TENM2: variants seen among roughly 807,000 people sequenced by gnomAD.
TENM2 encodes the protein teneurin transmembrane protein 2.
In TENM2, 52 loss-of-function variants were observed where a neutral mutation model predicts 245.2. The observed-to-expected ratio is 0.21, with a 90% CI of 0.17 to 0.27. The LOEUF is 0.27. Among genes scored for constraint, TENM2 ranks in the 10% least tolerant of loss-of-function variants. The pLI is 1.00. For missense variants in TENM2, 3,046 were observed against 3,666.8 expected, an observed-to-expected ratio of 0.83 and a Z score of 4.37; for synonymous variants, 1,363 against 1,438.9, an observed-to-expected ratio of 0.95 and a Z score of 1.19.
intron 2 of TENM2, among the ~76,000 whole-genome samples, chr5:167,577,732 T>C (rs1344337534): frequency 6.6e-6 from 1 of 152,140 alleles, no homozygotes; most frequent in Non-Finnish European, 1.5e-5. Flanking sequence ...ATAGTAGCTA[T>C]CGAGCGCTGA....
chr5:167,384,966 C>A (rs1192682903), intron 2 of TENM2, among the ~76,000 whole-genome samples: 1 of 152,152 alleles, frequency 6.6e-6, no homozygotes, highest in Non-Finnish European at 1.5e-5. Context: ...AGGTACATAA[C>A]CCCACACTCC....
chr5:167,445,371 T>TGAGAGAGAGTGAGA (rs370726285), intron 2 of TENM2, among the ~76,000 whole-genome samples: 1 of 81,636 alleles, frequency 1.2e-5, no homozygotes, highest in Non-Finnish European at 2.2e-5. Flanking sequence ...AGAGAGAGAG[T>TGAGAGAGAGTGAGA]GTCAGGTGTT....
At chr5:167,904,279 C>A (rs895969049) in intron 3 of TENM2, among the ~76,000 whole-genome samples, 1 of 152,132 alleles carries the variant, frequency 6.6e-6, no homozygotes, top group Non-Finnish European at 1.5e-5. Flanking sequence ...ATCATCAGAG[C>A]TGCATCCCCA....
the TENM2 span, among the ~76,000 whole-genome samples, chr5:167,065,481 T>A: frequency 6.6e-6 from 1 of 152,142 alleles, no homozygotes; most frequent in Non-Finnish European, 1.5e-5. Flanking sequence ...AGTCACTGTG[T>A]GTATGTATGT....
Position 168,117,232 on chromosome 5 carries a change from G to A in TENM2, c.1814-1060G>A, listed in dbSNP as rs372610505. Reference sequence around the variant, plus strand: ...ATGGAAGAGGGTACAGCTGATGGGCGAACTACTAGAAATTTCATGCCTTCA... The same window carrying A: ...ATGGAAGAGGGTACAGCTGATGGGCAAACTACTAGAAATTTCATGCCTTCA... On this transcript the variant is annotated intron_variant, in intron 9 of 28. Coordinates refer to ENST00000518659, the Ensembl canonical transcript of TENM2. Among the ~76,000 whole-genome samples the A allele has an allele frequency of 1.8e-4, 27 of 152,282 alleles. No homozygotes were observed. In the South Asian group the frequency reaches 4.6e-3, roughly 26 times the overall value.
chr5:167,477,757 C>T (rs1034675106), intron 2 of TENM2, among the ~76,000 whole-genome samples: 1 of 150,406 alleles, frequency 6.6e-6, no homozygotes, highest in Non-Finnish European at 1.5e-5. Context: ...CTTTGCCCAC[C>T]AAAAAAATAG....
At chr5:167,490,529 C>A (rs1365207396) in intron 2 of TENM2, among the ~76,000 whole-genome samples, 2 of 151,932 alleles carry the variant, frequency 1.3e-5, no homozygotes, top group African/African-American at 4.8e-5. Flanking sequence ...TTGTATAATG[C>A]ATTTTTGATG....
At chr5:168,097,411 A>C (rs1246999837) in intron 8 of TENM2, among the ~76,000 whole-genome samples, 1 of 151,818 alleles carries the variant, frequency 6.6e-6, no homozygotes, top group Non-Finnish European at 1.5e-5. Context: ...TATTTTTTCT[A>C]TTGTTTTGTT....
intron 2 of TENM2, among the ~76,000 whole-genome samples, chr5:167,799,906 A>G (rs1189244863): frequency 6.6e-6 from 1 of 152,220 alleles, no homozygotes; most frequent in Non-Finnish European, 1.5e-5. Flanking sequence ...CCTGGGGCCC[A>G]TCCCCAGAAG....
rs369134979 is a variant in TENM2 at position 168,072,914 on chromosome 5, G to A, written c.1515+10649G>A. 1.2e-4 allele frequency among the ~76,000 whole-genome samples: 18 copies of A among 152,252 alleles called. No homozygotes were observed. In the East Asian group the frequency reaches 2.7e-3, roughly 23 times the overall value. ...ACACCAATACTGATATGCAAACTGC[G>A]CTTCAGCTGGTTGTCGAGACTCTAG... On this transcript the variant is annotated intron_variant, in intron 7 of 28. Coordinates refer to ENST00000518659, the Ensembl canonical transcript of TENM2.
chr5:167,379,931 C>A (rs373709065), intron 2 of TENM2, among the ~76,000 whole-genome samples: 125 of 132,110 alleles, frequency 9.5e-4, no homozygotes, highest in South Asian at 1.2e-3. Context: ...AAAAACATAC[C>A]AAAAAAAAAA....
Position 168,203,815 on chromosome 5 carries a change from T to C in TENM2, c.3557T>C (p.Ile1186Thr). The C allele has an allele frequency of 1.9e-6, 3 of 1,611,932 alleles. No homozygotes were observed. In the South Asian group the frequency reaches 3.3e-5, roughly 18 times the overall value. ...GGCTGGTCCCTAGACAAACACCACA[T>C]CCTCAATGTTAAAAGTGGTACGTGA... Residue 1186 changes from isoleucine to threonine, a missense_variant, in exon 18 of 29, where the codon ATC becomes ACC. Ile to Thr is a moderately conservative substitution (Grantham distance 89). Transcript: ENST00000518659.
At chr5:168,261,845 A>G (rs1768216795) in intron 28 of TENM2, among the ~76,000 whole-genome samples, 1 of 152,194 alleles carries the variant, frequency 6.6e-6, no homozygotes, top group Non-Finnish European at 1.5e-5. Flanking sequence ...GAGCATTAGT[A>G]ATCAACCAGC....
At chr5:167,027,953 C>T in the TENM2 span, among the ~76,000 whole-genome samples, 4,057 of 151,728 alleles carry the variant, frequency 0.027, 182 homozygotes, top group African/African-American at 0.093. Flanking sequence ...CACCTGTAAT[C>T]CCGGCTACTC....
intron 2 of TENM2, among the ~76,000 whole-genome samples, chr5:167,585,961 C>CA (rs1430524076): frequency 6.6e-6 from 1 of 151,872 alleles, no homozygotes; most frequent in African/African-American, 2.4e-5. Flanking sequence ...CGCATCTCTA[C>CA]AAAAAATAAA....
intron 2 of TENM2, among the ~76,000 whole-genome samples, chr5:167,600,838 C>G (rs1007407126): frequency 6.6e-6 from 1 of 152,154 alleles, no homozygotes; most frequent in Non-Finnish European, 1.5e-5. Context: ...TGGGTTTTTC[C>G]TAGACAGATG....
chr5:167,958,479 T>C (rs1780736303), intron 4 of TENM2, among the ~76,000 whole-genome samples: 1 of 152,206 alleles, frequency 6.6e-6, no homozygotes, highest in African/African-American at 2.4e-5. Flanking sequence ...CCTCTTTACA[T>C]TTAGGGTTAA....
At chr5:166,985,498 C>G in the TENM2 span, among the ~76,000 whole-genome samples, 1 of 152,076 alleles carries the variant, frequency 6.6e-6, no homozygotes, top group Non-Finnish European at 1.5e-5. Flanking sequence ...ATTAGAAAAG[C>G]ATTTCACAGT....
At chr5:167,906,958 C>T (rs568438422) in intron 3 of TENM2, among the ~76,000 whole-genome samples, 3 of 152,240 alleles carry the variant, frequency 2.0e-5, no homozygotes, top group East Asian at 3.9e-4. Flanking sequence ...GCAGGCCGGG[C>T]GCAGTGGCTC....
Sources: gnomAD v4.1 joint callset for allele counts (sites outside exome capture counted in the v4.1 genomes callset) on GRCh38, gnomAD v4.1.1 for gene constraint, MANE v1.5 for transcripts, NCBI Gene and HGNC (gene_info 2026-07-23, HGNC 2026-07-21) for gene names.